Variants in PTGER3 observed in about 807,000 individuals in gnomAD.
The protein encoded by PTGER3 is prostaglandin E2 receptor EP3 subtype.
PTGER3 carries 22 observed loss-of-function variants against 34.7 expected under a neutral mutation model. The ratio of observed to expected loss-of-function variants is 0.63; its 90% confidence interval spans 0.45 to 0.91. PTGER3 has a LOEUF of 0.91. PTGER3 is among the 40% of genes least tolerant of loss of function. The pLI, the probability that PTGER3 is intolerant of heterozygous loss-of-function variation, is 0.00. For synonymous variants in PTGER3, 241 were observed against 230.1 expected (o/e 1.05, Z -0.43); for missense variants, 468 against 519.4 (o/e 0.90, Z 0.96).
At chr1:70,875,864 T>C (rs1396116333) in intron 4 of PTGER3, among the ~76,000 whole-genome samples, 1 of 152,194 alleles carries the variant, frequency 6.6e-6, no homozygotes, top group African/African-American at 2.4e-5. Context: ...GTTGATTCCA[T>C]GTCTTTGCTA....
chr1:71,027,045 C>T (rs559304247), intron 1 of PTGER3, among the ~76,000 whole-genome samples: 25 of 152,298 alleles, frequency 1.6e-4, no homozygotes, highest in African/African-American at 6.0e-4. Flanking sequence ...GCAATTCTTA[C>T]TGTACTACTT....
chr1:70,973,033 G>GAGATGGAAACA (rs2307616), intron 3 of PTGER3, among the ~76,000 whole-genome samples: 70,685 of 151,190 alleles, frequency 0.47, 18,661 homozygotes, highest in East Asian at 0.73. Context: ...TACCAAAAAA[G>GAGATGGAAACA]AGATGGAAAC....
chr1:70,960,934 T>A (rs561772564), intron 2 of PTGER3, among the ~76,000 whole-genome samples: 10 of 152,172 alleles, frequency 6.6e-5, no homozygotes, highest in Non-Finnish European at 1.5e-4. Context: ...TTAATATGGA[T>A]GAGAATCACC....
At chr1:70,937,899 A>G (rs1443467846) in intron 4 of PTGER3, among the ~76,000 whole-genome samples, 1 of 152,204 alleles carries the variant, frequency 6.6e-6, no homozygotes, top group Non-Finnish European at 1.5e-5. Context: ...AAAAAATAGA[A>G]AGGTGGTTTT....
intron 4 of PTGER3, among the ~76,000 whole-genome samples, chr1:70,911,893 G>C (rs1298524687): frequency 6.6e-6 from 1 of 151,888 alleles, no homozygotes; most frequent in Non-Finnish European, 1.5e-5. Flanking sequence ...AAATTTCAGG[G>C]AGAAAAAGAG....
At chr1:70,999,053 G>A (rs1028918119) in intron 2 of PTGER3, among the ~76,000 whole-genome samples, 5 of 152,070 alleles carry the variant, frequency 3.3e-5, no homozygotes, top group South Asian at 2.1e-4. Context: ...GGTGGCGGGC[G>A]CCTGTAGTCC....
chr1:70,881,594 T>A (rs1646391998), intron 4 of PTGER3, among the ~76,000 whole-genome samples: 1 of 152,176 alleles, frequency 6.6e-6, no homozygotes, highest in Non-Finnish European at 1.5e-5. Context: ...TTGGATGGGC[T>A]TTTTGCTTTT....
chr1:70,894,571 A>G (rs573113982), intron 4 of PTGER3, among the ~76,000 whole-genome samples: 1 of 152,154 alleles, frequency 6.6e-6, no homozygotes. Context: ...CCCAAAAAGT[A>G]TGTTACATAA....
intron 1 of PTGER3, among the ~76,000 whole-genome samples, chr1:71,042,710 T>C (rs1048412365): frequency 6.6e-5 from 10 of 152,206 alleles, no homozygotes; most frequent in Non-Finnish European, 1.5e-4. Context: ...TCATCATACA[T>C]ATCTACCACA....
chr1:70,978,302 A>G (rs1653905474), intron 2 of PTGER3, among the ~76,000 whole-genome samples: 1 of 152,168 alleles, frequency 6.6e-6, no homozygotes, highest in South Asian at 2.1e-4. Context: ...AAGTTCTAGT[A>G]TTTACAAACC....
At chr1:70,996,646 T>A (rs56027222) in intron 2 of PTGER3, among the ~76,000 whole-genome samples, 5 of 135,790 alleles carry the variant, frequency 3.7e-5, no homozygotes, top group African/African-American at 1.1e-4. Context: ...TATTTTTATT[T>A]ATTTATTTAT....
At chr1:71,031,753 C>T (rs1237501960) in intron 1 of PTGER3, among the ~76,000 whole-genome samples, 1 of 152,170 alleles carries the variant, frequency 6.6e-6, no homozygotes, top group Non-Finnish European at 1.5e-5. Flanking sequence ...CTCCTGAAAT[C>T]CTTCTACATA....
At chr1:70,944,895 TC>T in intron 4 of PTGER3, among the ~76,000 whole-genome samples, 1 of 152,196 alleles carries the variant, frequency 6.6e-6, no homozygotes, top group Non-Finnish European at 1.5e-5. Context: ...AATATTTGCC[TC>T]CCAAAGGCCA....
At chr1:71,046,606 G>T in intron 1 of PTGER3, 75 bp downstream of exon 1, 1 of 1,475,616 alleles carries the variant, frequency 6.8e-7, no homozygotes, top group Non-Finnish European at 9.0e-7. Context: ...TGCGGGTGCT[G>T]CCACTTAGCA....
chr1:70,880,632 G>A (rs529567747), intron 4 of PTGER3, among the ~76,000 whole-genome samples: 1 of 151,056 alleles, frequency 6.6e-6, no homozygotes, highest in African/African-American at 2.4e-5. Flanking sequence ...GGAGGTTGCA[G>A]TGAGCTGAGA....
intron 2 of PTGER3, among the ~76,000 whole-genome samples, chr1:70,985,708 G>A (rs537130623): frequency 1.6e-4 from 25 of 152,230 alleles, no homozygotes; most frequent in Middle Eastern, 3.4e-3. Context: ...CTAGAAGCAG[G>A]GAGCTCTCTT....
intron 2 of PTGER3, among the ~76,000 whole-genome samples, chr1:70,963,832 C>A (rs951649284): frequency 6.6e-6 from 1 of 152,194 alleles, no homozygotes; most frequent in Non-Finnish European, 1.5e-5. Flanking sequence ...GCTTGAATTT[C>A]TCCCCAGAAA....
At chr1:70,879,813 T>C (rs1359499952) in intron 4 of PTGER3, among the ~76,000 whole-genome samples, 1 of 152,100 alleles carries the variant, frequency 6.6e-6, no homozygotes, top group East Asian at 1.9e-4. Context: ...TTGATATGTG[T>C]GGCCAGGTGC....
At chr1:70,931,274 C>A (rs965385109) in intron 4 of PTGER3, among the ~76,000 whole-genome samples, 2 of 152,170 alleles carry the variant, frequency 1.3e-5, no homozygotes, top group African/African-American at 4.8e-5. Flanking sequence ...GGGTACAGCC[C>A]CCCTTCTGGC....
Sources: allele counts gnomAD v4.1 joint callset (sites outside exome capture counted in the v4.1 genomes callset), GRCh38; gene constraint gnomAD v4.1.1; transcripts MANE v1.5; gene names NCBI Gene and HGNC (gene_info 2026-07-23, HGNC 2026-07-21).